Variants in KCNQ1 observed in about 807,000 individuals in gnomAD.
The protein encoded by KCNQ1 is potassium voltage-gated channel subfamily Q member 1.
KCNQ1 carries 49 observed loss-of-function variants against 72.4 expected under a neutral mutation model. The observed-to-expected ratio is 0.68, with a 90% confidence interval of 0.54 to 0.86. The LOEUF (loss-of-function observed/expected upper bound fraction) is 0.86. Ranked by LOEUF, KCNQ1 falls within the 40% of genes least tolerant of loss-of-function variation. The probability of loss-of-function intolerance (pLI) is 0.00; values close to 1 mark genes in which losing one functional copy is unlikely to be tolerated. For synonymous variants in KCNQ1, 450 were observed against 412.6 expected, an observed-to-expected ratio of 1.09 and a Z score of -1.10; for missense variants, 790 against 945.1, an observed-to-expected ratio of 0.84 and a Z score of 2.15.
intron 11 of KCNQ1, among the ~76,000 whole-genome samples, chr11:2,729,271 C>T (rs1264930712): frequency 6.6e-6 from 1 of 152,260 alleles, no homozygotes; most frequent in Non-Finnish European, 1.5e-5. Context: ...GAGTGACTGC[C>T]CTGGACGTGA....
In KCNQ1 at chr11:2,515,220, C is replaced by G. The variant is rs1589922841; in HGVS notation, c.387-12708C>G. Reference sequence around the variant, plus strand: ...GAGTCCCAGAGTGACCTTTCTCCGTCTTTCTGTCCAAGCATCCCATCTGTC... The same window carrying G: ...GAGTCCCAGAGTGACCTTTCTCCGTGTTTCTGTCCAAGCATCCCATCTGTC... On this transcript the variant is annotated intron_variant, in intron 1 of 15. Transcript: ENST00000155840. The surrounding 1 kb of genome is among the most constrained non-coding windows in gnomAD (Gnocchi z 4.7). Among the ~76,000 whole-genome samples, 1 of 152,326 alleles carries G rather than the reference C, an allele frequency of 6.6e-6. No individual in the cohort carries two copies. Among genetic ancestry groups the G allele is most frequent in the East Asian group, 1.9e-4 (1 of 5,186 alleles).
Position 2,677,652 on chromosome 11 carries a change from T to C in KCNQ1, c.1514+15571T>C, listed in dbSNP as rs760574897. On this transcript the variant is annotated intron_variant, in intron 11 of 15. Transcript: ENST00000155840. This position sits in a 1 kb window ranked among gnomAD's most constrained non-coding sequence, Gnocchi z 4.5. ...ATAATTGTAACTCTAACAACTGTTATTGCATATGAGATAAAATAATATTTT... is the reference window on the plus strand; with the variant it reads ...ATAATTGTAACTCTAACAACTGTTACTGCATATGAGATAAAATAATATTTT... 2 of 398,496 alleles carry C rather than the reference T, an allele frequency of 5.0e-6. No individual in the cohort carries two copies. Among genetic ancestry groups the C allele is most frequent in the Admixed American group, 4.4e-5 (1 of 22,712 alleles). The allele number at this position is 398,496 out of a possible 1,614,324, so 24.7% of individuals were successfully genotyped here.
rs144309171 is a variant in KCNQ1, at chr11:2,679,886, ATT to A, written c.1514+17814_1514+17815del. ...TATAAACTTAGAACTAGCACGCCTA[ATT>A]TTTTTTTTATTTTTATTTTTTTTGA... On this transcript the variant is annotated intron_variant, in intron 11 of 15. Coordinates refer to ENST00000155840, the MANE Select transcript of KCNQ1 (RefSeq NM_000218.3). This position sits in a 1 kb window ranked among gnomAD's most constrained non-coding sequence, Gnocchi z 4.8. The A allele has an allele frequency of 5.2e-6, 2 of 381,574 alleles. No homozygotes were observed. The highest frequency in any genetic ancestry group is 7.4e-5 in the East Asian group (2 of 27,036). The allele number at this position is 381,574 out of a possible 1,614,324, so 23.6% of individuals were successfully genotyped here.
At chr11:2,699,932 C>T in intron 11 of KCNQ1, 1 of 398,384 alleles carries the variant, frequency 2.5e-6, no homozygotes, top group East Asian at 3.6e-5. Flanking sequence ...GAGGGGCGCC[C>T]TGGCAGGATC....
At chr11:2,739,440 A>G (rs549510180) in intron 11 of KCNQ1, among the ~76,000 whole-genome samples, 1 of 152,344 alleles carries the variant, frequency 6.6e-6, no homozygotes, top group South Asian at 2.1e-4. Flanking sequence ...GGTCCGCTAC[A>G]TATTCCCCCA....
At chr11:2,821,508 T>C (rs1847736905) in intron 15 of KCNQ1, among the ~76,000 whole-genome samples, 1 of 152,106 alleles carries the variant, frequency 6.6e-6, no homozygotes. Context: ...GGGAGGCCAT[T>C]GGGAAGTGGC....
At chr11:2,533,905 G>C (rs1363359788) in intron 2 of KCNQ1, among the ~76,000 whole-genome samples, 1 of 152,336 alleles carries the variant, frequency 6.6e-6, no homozygotes, top group East Asian at 1.9e-4. Flanking sequence ...CCAGGGAATT[G>C]TCCTGCAATG....
chr11:2,622,290 AGTATGTAAT>A (rs1849187187), intron 10 of KCNQ1: 1 of 398,304 alleles, frequency 2.5e-6, no homozygotes, highest in East Asian at 3.6e-5. Context: ...CCATTTTCTC[AGTATGTAAT>A]GTCCTCCTTT....
In KCNQ1 at chr11:2,846,149, C is replaced by T. The variant is rs528855709; in HGVS notation, c.1795-1618C>T. On this transcript the variant is annotated intron_variant, in intron 15 of 15. Coordinates refer to ENST00000155840, the MANE Select transcript of KCNQ1 (RefSeq NM_000218.3). ...CAGTGGGGCCGGGCGCATGAGGGAC[C>T]AGGCCCGCCCGGCGCAGCCTAGGGT... 1.9e-3 allele frequency among the ~76,000 whole-genome samples: 291 copies of T among 152,190 alleles called. 1 individual carries two copies. Among genetic ancestry groups the T allele is most frequent in the Non-Finnish European group, 3.4e-3 (229 of 68,014 alleles).
At position 2,661,133 on chromosome 11, in the gene KCNQ1, G is replaced by C. The variant is rs953574969; in HGVS notation, c.1394-828G>C. 2 of 398,508 alleles carry C rather than the reference G, an allele frequency of 5.0e-6. No homozygotes were observed. The highest frequency in any genetic ancestry group is 4.1e-5 in the African/African-American group (2 of 48,628). 24.7% of individuals were successfully genotyped at this position (398,508 alleles called of 1,614,324 possible). ...CATCTGCTGCTCGGATGAGCAGAGAGGGTGGGCTAGGGATCTAGTTGGCAG... is the reference window on the plus strand; with the variant it reads ...CATCTGCTGCTCGGATGAGCAGAGACGGTGGGCTAGGGATCTAGTTGGCAG... On this transcript the variant is annotated intron_variant, in intron 10 of 15. Transcript: ENST00000155840. This position sits in a 1 kb window ranked among gnomAD's most constrained non-coding sequence, Gnocchi z 5.9.
chr11:2,838,340 G>A (rs72847584), intron 15 of KCNQ1, among the ~76,000 whole-genome samples: 11,108 of 152,210 alleles, frequency 0.073, 510 homozygotes, highest in East Asian at 0.14. Context: ...TGGGGGCCAG[G>A]GACCGGCGCG....
intron 11 of KCNQ1, among the ~76,000 whole-genome samples, chr11:2,756,441 TAAAA>T (rs59499292): frequency 0.048 from 6,527 of 137,278 alleles, 289 homozygotes; most frequent in East Asian, 0.21. Flanking sequence ...TTACTAAAAT[TAAAA>T]AAAAAAAAAA....
chr11:2,477,106 A>T lies in KCNQ1; in HGVS notation c.386+31622A>T, dbSNP rs574819566. Among the ~76,000 whole-genome samples, 22 of 152,246 alleles carry T rather than the reference A, an allele frequency of 1.4e-4. No individual in the cohort carries two copies. Among genetic ancestry groups the T allele is most frequent in the Non-Finnish European group, 2.5e-4 (17 of 68,048 alleles). On this transcript the variant is annotated intron_variant, in intron 1 of 15. Transcript: ENST00000155840. This position sits in a 1 kb window ranked among gnomAD's most constrained non-coding sequence, Gnocchi z 5.0. ...GTCAAAATTAGGAAGAAGTGGAGAC[A>T]ATCTCAGTATGTGTGAGATGAATCT... is the stretch of plus-strand genomic sequence containing the variant.
At position 2,446,933 on chromosome 11, in the gene KCNQ1, G is replaced by A. The variant is rs1846047710; in HGVS notation, c.386+1449G>A. ...TCCGATGCCACTGTGCAAATGTCTAGCAGATGCCAGGTTCACAGGTGCTGT... is the reference window on the plus strand; with the variant it reads ...TCCGATGCCACTGTGCAAATGTCTAACAGATGCCAGGTTCACAGGTGCTGT... On this transcript the variant is annotated intron_variant, in intron 1 of 15. Transcript: ENST00000155840. The surrounding 1 kb of genome is among the most constrained non-coding windows in gnomAD (Gnocchi z 8.8). 3.9e-5 allele frequency among the ~76,000 whole-genome samples: 6 copies of A among 152,226 alleles called. No homozygotes were observed. Among genetic ancestry groups the A allele is most frequent in the Admixed American group, 3.9e-4 (6 of 15,292 alleles).
intron 1 of KCNQ1, among the ~76,000 whole-genome samples, chr11:2,496,723 G>T (rs1449667153): frequency 6.6e-6 from 1 of 151,810 alleles, no homozygotes; most frequent in Admixed American, 6.6e-5. Flanking sequence ...TGGTCCTGTC[G>T]TCATGATGCT....
intron 11 of KCNQ1, among the ~76,000 whole-genome samples, chr11:2,738,932 G>T (rs968092523): frequency 6.6e-6 from 1 of 152,238 alleles, no homozygotes; most frequent in African/African-American, 2.4e-5. Flanking sequence ...GGTGAGCGAG[G>T]TGCAGGCTGT....
intron 10 of KCNQ1, among the ~76,000 whole-genome samples, chr11:2,605,926 C>T (rs1156829858): frequency 6.6e-6 from 1 of 152,002 alleles, no homozygotes. Flanking sequence ...TAATGTCTGT[C>T]CATTTATTTG....
rs1015422531 is a variant in KCNQ1, at chr11:2,640,182, C to T, written c.1394-21779C>T. On this transcript the variant is annotated intron_variant, in intron 10 of 15. Transcript: ENST00000155840. ...GGTGAGGCGATGCCTCGCCCTACTTCGTCTCACACTCAGTGGGCTGCACCC... is the reference window on the plus strand; with the variant it reads ...GGTGAGGCGATGCCTCGCCCTACTTTGTCTCACACTCAGTGGGCTGCACCC... 1.1e-4 allele frequency: 42 copies of T among 387,306 alleles called. No homozygotes were observed. In the East Asian group the frequency reaches 1.1e-3, roughly 10 times the overall value. 24.0% of individuals were successfully genotyped at this position (387,306 alleles called of 1,614,324 possible).
rs1849202032 is a variant in KCNQ1 at position 2,623,109 on chromosome 11, G to C, written c.1393+34255G>C. ...TCATGAGATCTGGTTGTTTAAACGT[G>C]TGTGGCACTTCCCATCTCACTTTCT... On this transcript the variant is annotated intron_variant, in intron 10 of 15. Transcript: ENST00000155840. This position sits in a 1 kb window ranked among gnomAD's most constrained non-coding sequence, Gnocchi z 5.2. 1 of 398,474 alleles carries C rather than the reference G, an allele frequency of 2.5e-6. No individual in the cohort carries two copies. The highest frequency in any genetic ancestry group is 2.1e-5 in the African/African-American group (1 of 48,606). The allele number at this position is 398,474 out of a possible 1,614,324, so 24.7% of individuals were successfully genotyped here. A position where few individuals can be genotyped will look rare whatever the true frequency, so the allele number is the denominator to read the frequency against.
Sources: gnomAD v4.1 joint callset for allele counts (sites outside exome capture counted in the v4.1 genomes callset) on GRCh38, gnomAD v4.1.1 for gene constraint, Gnocchi (gnomAD v3.1) non-coding constraint, MANE v1.5 for transcripts, NCBI Gene and HGNC (gene_info 2026-07-23, HGNC 2026-07-21) for gene names.